The following ZCWPW2 variants were observed in gnomAD, a reference collection of about 807,000 sequenced individuals.
ZCWPW2 encodes the protein zinc finger CW-type and PWWP domain containing 2.
In ZCWPW2, 45 loss-of-function variants were observed where a neutral mutation model predicts 46.6. That is an observed-to-expected ratio of 0.96 (90% CI 0.76 to 1.24). The LOEUF is 1.24. Ranked by LOEUF, ZCWPW2 falls within the 50% of genes most tolerant of loss-of-function variation. The pLI is 0.00. For synonymous variants in ZCWPW2, 152 were observed against 137.1 expected, an observed-to-expected ratio of 1.11 and a Z score of -0.76; for missense variants, 429 against 403.9, an observed-to-expected ratio of 1.06 and a Z score of -0.53.
chr3:28,470,487 C>T (rs1296082739), intron 4 of ZCWPW2, among the ~76,000 whole-genome samples: 5 of 133,324 alleles, frequency 3.8e-5, no homozygotes, highest in South Asian at 2.3e-4. Context: ...AGCGAGACTC[C>T]GTCTTAAAAA....
intron 1 of ZCWPW2, among the ~76,000 whole-genome samples, chr3:28,355,471 A>C (rs908220143): frequency 6.6e-6 from 1 of 152,258 alleles, no homozygotes; most frequent in African/African-American, 2.4e-5. Flanking sequence ...GCTACTAATG[A>C]CTTTCTTCAC....
chr3:28,391,218 A>G (rs1485008693), intron 2 of ZCWPW2, among the ~76,000 whole-genome samples: 2 of 152,212 alleles, frequency 1.3e-5, no homozygotes, highest in African/African-American at 4.8e-5. Flanking sequence ...AGTTGTGATC[A>G]AAGGGTGACT....
intron 4 of ZCWPW2, among the ~76,000 whole-genome samples, chr3:28,435,499 T>C (rs1320772740): frequency 1.3e-5 from 2 of 149,580 alleles, no homozygotes; most frequent in East Asian, 3.9e-4. Flanking sequence ...TTTTTTTTTT[T>C]TTTGGAGACA....
At chr3:28,416,821 T>C (rs1192893857) in intron 3 of ZCWPW2, among the ~76,000 whole-genome samples, 1 of 114,878 alleles carries the variant, frequency 8.7e-6, no homozygotes, top group Non-Finnish European at 1.8e-5. Flanking sequence ...AGTACGTTTA[T>C]TGATTTTCGT....
intron 8 of ZCWPW2, 58 bp downstream of exon 8, chr3:28,515,679 G>A (rs1339519896): frequency 2.0e-6 from 3 of 1,469,354 alleles, no homozygotes; most frequent in South Asian, 2.5e-5. Context: ...TCCACAGAAT[G>A]TAGTTGTAGT....
chr3:28,362,886 A>G (rs1196622877), intron 1 of ZCWPW2, among the ~76,000 whole-genome samples: 2 of 152,200 alleles, frequency 1.3e-5, no homozygotes, highest in African/African-American at 2.4e-5. Context: ...CAGTCATAAA[A>G]AAGAATGAGA....
intron 1 of ZCWPW2, among the ~76,000 whole-genome samples, chr3:28,374,412 A>G (rs1025652491): frequency 7.2e-5 from 11 of 152,092 alleles, no homozygotes; most frequent in African/African-American, 2.7e-4. Context: ...AACTCAGGTA[A>G]TGTGACGCTG....
At chr3:28,456,225 ATT>A (rs1375004138) in intron 4 of ZCWPW2, among the ~76,000 whole-genome samples, 1 of 151,700 alleles carries the variant, frequency 6.6e-6, no homozygotes, top group Non-Finnish European at 1.5e-5. Context: ...ATTCCTAGGT[ATT>A]TTATTCTTTT....
chr3:28,413,829 T>C (rs1026391910), intron 3 of ZCWPW2, among the ~76,000 whole-genome samples: 1 of 152,168 alleles, frequency 6.6e-6, no homozygotes, highest in Admixed American at 6.6e-5. Context: ...TGTAATCAGT[T>C]CCACTGATTC....
At position 28,525,428 on chromosome 3, in the gene ZCWPW2, G is replaced by T. The variant is rs561182679; in HGVS notation, c.*740G>T. Among the ~76,000 whole-genome samples, 1 of 152,088 alleles carries T rather than the reference G, an allele frequency of 6.6e-6. No homozygotes were observed. The highest frequency in any genetic ancestry group is 1.5e-5 in the Non-Finnish European group (1 of 68,006). Reference sequence around the variant, plus strand: ...AAGTAAAAACTCATCATTTTTCAGGGATTCTCATGAACAGTTTTAGTAGAT... The same window carrying T: ...AAGTAAAAACTCATCATTTTTCAGGTATTCTCATGAACAGTTTTAGTAGAT... On this transcript the variant is annotated 3_prime_UTR_variant, in exon 10 of 10. Coordinates refer to ENST00000383768, the MANE Select transcript of ZCWPW2 (RefSeq NM_001040432.4).
intron 5 of ZCWPW2, among the ~76,000 whole-genome samples, chr3:28,483,872 GT>G (rs1699509674): frequency 1.3e-5 from 2 of 152,056 alleles, no homozygotes; most frequent in African/African-American, 2.4e-5. Flanking sequence ...TAATTACAGG[GT>G]TTTTTTGGTC....
chr3:28,470,056 A>G (rs983720820), intron 4 of ZCWPW2, among the ~76,000 whole-genome samples: 2 of 152,238 alleles, frequency 1.3e-5, no homozygotes, highest in Admixed American at 6.5e-5. Context: ...ACATTCAAAA[A>G]AATTGAACGT....
intron 6 of ZCWPW2, among the ~76,000 whole-genome samples, chr3:28,513,493 T>C (rs1700482376): frequency 6.6e-6 from 1 of 152,154 alleles, no homozygotes; most frequent in Non-Finnish European, 1.5e-5. Flanking sequence ...TTTTTCCTAT[T>C]TTCTTGTTAT....
At chr3:28,353,603 T>TCTGTG (rs1704631462) in intron 1 of ZCWPW2, among the ~76,000 whole-genome samples, 1 of 152,260 alleles carries the variant, frequency 6.6e-6, no homozygotes, top group African/African-American at 2.4e-5. Context: ...AGACATACAA[T>TCTGTG]CTGTGCTTCG....
chr3:28,514,969 TATTTC>T (rs140379370), intron 7 of ZCWPW2, among the ~76,000 whole-genome samples: 2,550 of 152,290 alleles, frequency 0.017, 33 homozygotes, highest in Middle Eastern at 0.027. Flanking sequence ...TCCACTGCCT[TATTTC>T]ATTACACTTC....
rs1024026814 is a variant in ZCWPW2 at position 28,526,120 on chromosome 3, T to A, written c.*1432T>A. 4.6e-5 allele frequency among the ~76,000 whole-genome samples: 7 copies of A among 152,158 alleles called. No individual in the cohort carries two copies. Among genetic ancestry groups the A allele is most frequent in the Admixed American group, 1.3e-4 (2 of 15,262 alleles). ...GAACTATGCAAACCAAGCACTGTTG[T>A]GAGGAATAAATGAGATATTTTTTGT... On this transcript the variant is annotated 3_prime_UTR_variant, in exon 10 of 10. Transcript: ENST00000383768.
At position 28,413,115 on chromosome 3, in the gene ZCWPW2, C is replaced by G; in HGVS notation, c.47C>G (p.Ala16Gly). ...GTTAAGATTGAATATTGTAACTATG[C>G]AATGGATTCCTCAGTGGAAAACATG... ...LDVKIEYCNY[A>G]MDSSVENMYV... The change falls in exon 3 of 10, where the codon GCA (alanine) becomes GGA (glycine). Residue 16 changes from alanine (A) to glycine (G), a missense_variant. Coordinates refer to ENST00000383768, the MANE Select transcript of ZCWPW2 (RefSeq NM_001040432.4). 6.2e-7 allele frequency: 1 copy of G among 1,612,642 alleles called. No individual in the cohort carries two copies. The highest frequency in any genetic ancestry group is 8.5e-7 in the Non-Finnish European group (1 of 1,179,222).
In ZCWPW2 at chr3:28,470,578, G is replaced by C. The variant is rs139461957; in HGVS notation, c.493-8236G>C. On this transcript the variant is annotated intron_variant, in intron 4 of 9. Coordinates refer to ENST00000383768, the MANE Select transcript of ZCWPW2 (RefSeq NM_001040432.4). ...AAACATGACATACCAAAACCTATGA[G>C]ATACAGTAAACACAGTACTAAAAGG... is the stretch of plus-strand genomic sequence containing the variant. 4.0e-3 allele frequency among the ~76,000 whole-genome samples: 591 copies of C among 149,256 alleles called. 2 individuals carry two copies. The highest frequency in any genetic ancestry group is 0.017 in the Middle Eastern group (5 of 292).
At chr3:28,470,072 A>G (rs113839339) in intron 4 of ZCWPW2, among the ~76,000 whole-genome samples, 2 of 152,354 alleles carry the variant, frequency 1.3e-5, no homozygotes, top group African/African-American at 2.4e-5. Context: ...AACGTATGTC[A>G]GGTATCTTCT....
Sources: allele counts gnomAD v4.1 joint callset (sites outside exome capture counted in the v4.1 genomes callset), GRCh38; gene constraint gnomAD v4.1.1; transcripts MANE v1.5; gene names NCBI Gene and HGNC (gene_info 2026-07-23, HGNC 2026-07-21).